The following SREBF2 variants were observed in gnomAD, a reference collection of about 807,000 sequenced individuals.
SREBF2 encodes the protein sterol regulatory element binding transcription factor 2, also known as sterol regulatory element-binding protein 2.
A neutral mutation model predicts 113.1 loss-of-function variants in SREBF2; 55 were observed. The ratio of observed to expected loss-of-function variants is 0.49; its 90% CI spans 0.39 to 0.61. SREBF2 has a LOEUF of 0.61. Among genes scored for constraint, SREBF2 ranks in the 20% least tolerant of loss-of-function variants. SREBF2 has a pLI of 0.00. For missense variants in SREBF2, 1,349 were observed against 1,487.4 expected, an observed-to-expected ratio of 0.91 and a Z score of 1.53; for synonymous variants, 593 against 605.7, an observed-to-expected ratio of 0.98 and a Z score of 0.31.
chr22:41,839,938 T>A (rs2076811965), intron 1 of SREBF2, among the ~76,000 whole-genome samples: 1 of 151,934 alleles, frequency 6.6e-6, no homozygotes, highest in African/African-American at 2.4e-5. Context: ...TAGTCCCATT[T>A]ATTCACATGC....
chr22:41,850,596 G>A (rs1354630484), intron 1 of SREBF2, among the ~76,000 whole-genome samples: 1 of 152,078 alleles, frequency 6.6e-6, no homozygotes, highest in Non-Finnish European at 1.5e-5. Flanking sequence ...TGTTTATTTT[G>A]TAAGGGGAAA....
chr22:41,900,464 T>G lies in SREBF2; in HGVS notation c.2873T>G (p.Val958Gly). The part of the protein sequence containing the change: ...ASGHLWSSLN[V>G]SGATSDPALN... ...GGCCACCTATGGAGCAGCCTCAACG[T>G]CAGTGGGGCCACCTCTGACCCTGCC... Residue 958 changes from valine (V) to glycine (G), a missense_variant, in exon 16 of 19, where the codon GTC becomes GGC. Physicochemically the swap from Val to Gly is moderately radical, Grantham distance 109. Around this residue, in one of 2 missense-constraint regions of SREBF2, gnomAD observed 650 missense variants for 644.1 expected, o/e 1.01. Transcript: ENST00000361204. 1 of 1,613,794 alleles carries G rather than the reference T, an allele frequency of 6.2e-7. No individual in the cohort carries two copies. The highest frequency in any genetic ancestry group is 8.5e-7 in the Non-Finnish European group (1 of 1,180,002).
intron 1 of SREBF2, among the ~76,000 whole-genome samples, chr22:41,853,333 G>A (rs1244290885): frequency 6.6e-6 from 1 of 152,108 alleles, no homozygotes; most frequent in East Asian, 1.9e-4. Context: ...ATGTCTCCCT[G>A]CCTTGGCTCT....
At chr22:41,899,118 G>A (rs2077442046) in intron 15 of SREBF2, 10 of 790,366 alleles carry the variant, frequency 1.3e-5, no homozygotes, top group Middle Eastern at 1.0e-3. Context: ...AAGCTTTGTG[G>A]TGGAGGCAGG....
chr22:41,862,878 G>A (rs2077039519), intron 1 of SREBF2, among the ~76,000 whole-genome samples: 2 of 152,226 alleles, frequency 1.3e-5, no homozygotes, highest in Non-Finnish European at 2.9e-5. Flanking sequence ...GGAGCTTTTT[G>A]TGTGTGGGTT....
At chr22:41,864,261 T>TATATATATACACAC (rs1204150898) in intron 1 of SREBF2, among the ~76,000 whole-genome samples, 1 of 51,014 alleles carries the variant, frequency 2.0e-5, no homozygotes, top group Non-Finnish European at 3.6e-5. Context: ...TATATATATA[T>TATATATATACACAC]ACACACACAC....
intron 12 of SREBF2, 58 bp from the exon 13 acceptor site, chr22:41,894,762 G>A (rs2077397054): frequency 6.8e-7 from 1 of 1,475,566 alleles, no homozygotes; most frequent in African/African-American, 1.4e-5. Flanking sequence ...TCTCCGTAAA[G>A]ACAAAGTGGG....
At chr22:41,865,693 G>A (rs551757105) in intron 1 of SREBF2, among the ~76,000 whole-genome samples, 1 of 152,226 alleles carries the variant, frequency 6.6e-6, no homozygotes, top group African/African-American at 2.4e-5. Flanking sequence ...AGAGAAAAGG[G>A]GCACAACCAG....
intron 1 of SREBF2, among the ~76,000 whole-genome samples, chr22:41,857,219 A>G (rs2076985485): frequency 6.6e-6 from 1 of 152,190 alleles, no homozygotes; most frequent in Non-Finnish European, 1.5e-5. Context: ...ATGCTAAGGA[A>G]GGAGACTTGA....
chr22:41,900,394 G>A lies in SREBF2; in HGVS notation c.2803G>A (p.Ala935Thr). Reference protein sequence around the residue: ...RAMHASLPGKADGQQSSFCHC... With the variant: ...RAMHASLPGKTDGQQSSFCHC... ...CATGCATGCCTCACTCCCTGGGAAA[G>A]CAGATGGGCAGCAGAGTTCCTTCTG... The change falls in exon 16 of 19, where the codon GCA (alanine) becomes ACA (threonine). Residue 935 changes from alanine (A) to threonine (T), a missense_variant. Ala to Thr is a moderately conservative substitution (Grantham distance 58). Transcript: ENST00000361204. The A allele has an allele frequency of 6.2e-7, 1 of 1,613,926 alleles. No individual in the cohort carries two copies. The highest frequency in any genetic ancestry group is 8.5e-7 in the Non-Finnish European group (1 of 1,180,042).
chr22:41,843,410 A>G (rs1230375048), intron 1 of SREBF2, among the ~76,000 whole-genome samples: 4 of 152,254 alleles, frequency 2.6e-5, no homozygotes, highest in African/African-American at 9.6e-5. Context: ...CAGAATGTGT[A>G]TGGCCTTGGG....
At chr22:41,859,955 G>A (rs1363349316) in intron 1 of SREBF2, among the ~76,000 whole-genome samples, 2 of 151,506 alleles carry the variant, frequency 1.3e-5, no homozygotes, top group Non-Finnish European at 2.9e-5. Flanking sequence ...ACAGGCGCCC[G>A]CCACCACGCC....
chr22:41,906,930 CTGAG>C lies in SREBF2; in HGVS notation c.*1274_*1277del, dbSNP rs1405732596. ...CGGAGACTGTTTCTCCCATGGCCTCCTGAGTGATGGGCCCTGCCTCCCTGTGCCT... is the reference window on the plus strand; with the variant it reads ...CGGAGACTGTTTCTCCCATGGCCTCCTGATGGGCCCTGCCTCCCTGTGCCT... On this transcript the variant is annotated 3_prime_UTR_variant, in exon 19 of 19. Transcript: ENST00000361204. 1 of 152,202 alleles carries C rather than the reference CTGAG, an allele frequency of 6.6e-6. No homozygotes were observed. Among genetic ancestry groups the C allele is most frequent in the East Asian group, 1.9e-4 (1 of 5,200 alleles). The allele number at this position is 152,202 out of a possible 1,614,324, so 9.4% of individuals were successfully genotyped here.
rs1275403496 is a variant in SREBF2, at chr22:41,833,573, C to T, written c.88+215C>T. On this transcript the variant is annotated intron_variant, in intron 1 of 18. Coordinates refer to ENST00000361204, the MANE Select transcript of SREBF2 (RefSeq NM_004599.4). The surrounding 1 kb of genome is among the most constrained non-coding windows in gnomAD (Gnocchi z 4.1). ...CTCCGGGAGGCCGTGGGATCTGGGG[C>T]GCCGCGGGGCCGAAAGCGGCGCGAG... is the stretch of plus-strand genomic sequence containing the variant. The T allele has an allele frequency of 2.3e-5, 10 of 430,160 alleles. No homozygotes were observed. The highest frequency in any genetic ancestry group is 3.6e-5 in the Non-Finnish European group (9 of 247,580). The allele number at this position is 430,160 out of a possible 1,614,324, so 26.6% of individuals were successfully genotyped here. A position where few individuals can be genotyped will look rare whatever the true frequency, so the allele number is the denominator to read the frequency against.
intron 9 of SREBF2, 128 bp downstream of exon 9, chr22:41,878,251 TCA>T (rs1181728015): frequency 6.3e-6 from 8 of 1,275,576 alleles, no homozygotes; most frequent in Non-Finnish European, 8.8e-6. Flanking sequence ...TGCTGAATAG[TCA>T]CAGGGCAGTG....
Position 41,875,401 on chromosome 22 carries a change from A to G in SREBF2, c.1154A>G (p.His385Arg), listed in dbSNP as rs757150669. ...DYIKYLQQVN[H>R]KLRQENMVLK... is the part of the protein sequence containing the mutation. ...ATCAAATACTTGCAGCAGGTCAATC[A>G]TAAACTGCGCCAGGAGAACATGGTG... Residue 385 changes from histidine (H) to arginine (R), a missense_variant, in exon 6 of 19, where the codon CAT (histidine) becomes CGT (arginine). Transcript: ENST00000361204. 2 of 1,614,240 alleles carry G rather than the reference A, an allele frequency of 1.2e-6. No homozygotes were observed. Among genetic ancestry groups the G allele is most frequent in the Non-Finnish European group, 8.5e-7 (1 of 1,180,030 alleles).
chr22:41,869,495 T>C (rs1178158374), intron 3 of SREBF2, among the ~76,000 whole-genome samples: 1 of 124,014 alleles, frequency 8.1e-6, no homozygotes, highest in African/African-American at 3.8e-5. Context: ...TTTAATTTTT[T>C]TTTTTTGGAG....
chr22:41,894,291 T>C (rs1353534722), intron 12 of SREBF2, among the ~76,000 whole-genome samples: 1 of 152,202 alleles, frequency 6.6e-6, no homozygotes, highest in Non-Finnish European at 1.5e-5. Flanking sequence ...AGAAACTTGC[T>C]GGTGACAGTC....
rs886268332 is a variant in SREBF2 at position 41,833,483 on chromosome 22, A to G, written c.88+125A>G. On this transcript the variant is annotated intron_variant, in intron 1 of 18. Transcript: ENST00000361204. This position sits in a 1 kb window ranked among gnomAD's most constrained non-coding sequence, Gnocchi z 4.1. ...TTCGCGCGGGAAGAACCCCGTGCGCACGGTGCCCCCGGCGGTCCTCAACCC... is the reference window on the plus strand; with the variant it reads ...TTCGCGCGGGAAGAACCCCGTGCGCGCGGTGCCCCCGGCGGTCCTCAACCC... 2.6e-6 allele frequency: 2 copies of G among 775,760 alleles called. No homozygotes were observed. Among genetic ancestry groups the G allele is most frequent in the African/African-American group, 3.7e-5 (2 of 54,282 alleles). 48.1% of individuals were successfully genotyped at this position (775,760 alleles called of 1,614,324 possible). A position where few individuals can be genotyped will look rare whatever the true frequency, so the allele number is the denominator to read the frequency against.
Sources: gnomAD v4.1 joint callset for allele counts (sites outside exome capture counted in the v4.1 genomes callset) on GRCh38, gnomAD v4.1.1 for gene constraint, gnomAD v4.1.1 regional missense constraint, Gnocchi (gnomAD v3.1) non-coding constraint, MANE v1.5 for transcripts, NCBI Gene and HGNC (gene_info 2026-07-23, HGNC 2026-07-21) for gene names.